Variants in TMEM50B observed in about 807,000 individuals in gnomAD.
TMEM50B encodes HCV p7-trans-regulated protein 3.
A neutral mutation model predicts 23.4 loss-of-function variants in TMEM50B; 14 were observed. The ratio of observed to expected loss-of-function variants is 0.60; its 90% CI spans 0.39 to 0.93. TMEM50B has a LOEUF of 0.93. TMEM50B is among the 40% of genes least tolerant of loss of function. The pLI, the probability that TMEM50B is intolerant of heterozygous loss-of-function variation, is 0.00. For missense variants in TMEM50B, 159 were observed against 193.0 expected (o/e 0.82, Z 1.04); for synonymous variants, 64 against 62.3 (o/e 1.03, Z -0.13).
chr21:33,436,084 G>A (rs528557890), intron 8 of TMEM50B, among the ~76,000 whole-genome samples: 56 of 151,764 alleles, frequency 3.7e-4, no homozygotes, highest in Non-Finnish European at 4.0e-4. Context: ...GTTGCCGGGT[G>A]CAGTGGCTCA....
chr21:33,478,792 A>G (rs2084398374), intron 1 of TMEM50B: 1 of 471,160 alleles, frequency 2.1e-6, no homozygotes, highest in Middle Eastern at 3.2e-4. Context: ...TTTGAAATGC[A>G]TGCAGGTTTA....
chr21:33,436,735 AT>A (rs2083956645), intron 8 of TMEM50B: 17 of 1,029,276 alleles, frequency 1.7e-5, no homozygotes, highest in African/African-American at 1.1e-4. Context: ...AAAAATAAAA[AT>A]AAAAATAAAA....
intron 4 of TMEM50B, among the ~76,000 whole-genome samples, chr21:33,462,596 C>T (rs2084226777): frequency 6.6e-6 from 1 of 151,780 alleles, no homozygotes; most frequent in African/African-American, 2.4e-5. Flanking sequence ...TGCTTGAGCC[C>T]AGGAGTTCAA....
chr21:33,476,538 G>A lies in TMEM50B; in HGVS notation c.-42+3300C>T, dbSNP rs928606630. Among the ~76,000 whole-genome samples the A allele has an allele frequency of 3.9e-5, 6 of 151,924 alleles. 1 individual carries two copies. The highest frequency in any genetic ancestry group is 1.5e-4 in the African/African-American group (6 of 41,350). On this transcript the variant is annotated intron_variant, in intron 1 of 6. Transcript: ENST00000542230. ...GCACTTTGGGAAGCCGAGGCCAGCG[G>A]ATCACGAGGTCAGGAGATTGAGACC...
intron 4 of TMEM50B, among the ~76,000 whole-genome samples, chr21:33,462,538 G>A (rs1217836245): frequency 1.3e-5 from 2 of 152,126 alleles, no homozygotes; most frequent in Non-Finnish European, 2.9e-5. Context: ...CAGGCACAGT[G>A]GCTTACACCG....
chr21:33,465,209 T>G, intron 4 of TMEM50B, 133 bp downstream of exon 4: 1 of 586,332 alleles, frequency 1.7e-6, no homozygotes, highest in South Asian at 3.1e-5. Flanking sequence ...CACTAAAACT[T>G]TGTTTTAAAG....
intron 4 of TMEM50B, 42 bp from the exon 5 acceptor site, chr21:33,460,547 G>T: frequency 1.6e-6 from 2 of 1,255,152 alleles, no homozygotes; most frequent in Non-Finnish European, 2.3e-6. Context: ...CATTTTTGCA[G>T]CTCTGTAACG....
At chr21:33,478,020 AACT>A (rs2084390274) in intron 1 of TMEM50B, among the ~76,000 whole-genome samples, 1 of 151,120 alleles carries the variant, frequency 6.6e-6, no homozygotes, top group Non-Finnish European at 1.5e-5. Flanking sequence ...CTGTAGTCCC[AACT>A]ACTAGGGAGG....
intron 7 of TMEM50B, among the ~76,000 whole-genome samples, chr21:33,441,324 C>T (rs2084007153): frequency 6.6e-6 from 1 of 152,052 alleles, no homozygotes; most frequent in Non-Finnish European, 1.5e-5. Context: ...CAGAGAGAGG[C>T]TCTCTGAAAG....
chr21:33,439,927 TC>T (rs2083993595), intron 7 of TMEM50B, among the ~76,000 whole-genome samples: 1 of 151,820 alleles, frequency 6.6e-6, no homozygotes, highest in Non-Finnish European at 1.5e-5. Context: ...ACACCTGTAA[TC>T]CCAGCTACTT....
At chr21:33,456,137 T>C (rs920814182) in intron 5 of TMEM50B, 1 of 507,292 alleles carries the variant, frequency 2.0e-6, no homozygotes, top group African/African-American at 1.9e-5. Flanking sequence ...AATAAATTCT[T>C]GACTTTTAAA....
chr21:33,444,451 G>A (rs2084034863), downstream of TMEM50B, among the ~76,000 whole-genome samples: 1 of 151,942 alleles, frequency 6.6e-6, no homozygotes, highest in African/African-American at 2.4e-5. Context: ...AGACTGAGGA[G>A]AGAGGATCTC....
chr21:33,433,317 T>G (rs192064613), intron 8 of TMEM50B, among the ~76,000 whole-genome samples: 2 of 152,326 alleles, frequency 1.3e-5, no homozygotes, highest in East Asian at 3.9e-4. Context: ...TACACCCATG[T>G]TCATGTTGAC....
chr21:33,437,571 T>C (rs2083969754), intron 8 of TMEM50B: 1 of 152,544 alleles, frequency 6.6e-6, no homozygotes, highest in African/African-American at 2.4e-5. Flanking sequence ...GTTTCAGCTT[T>C]CTAAAATTAC....
At chr21:33,456,427 TTC>T (rs766476045) in intron 5 of TMEM50B, among the ~76,000 whole-genome samples, 4 of 152,244 alleles carry the variant, frequency 2.6e-5, no homozygotes, top group Non-Finnish European at 5.9e-5. Context: ...GAATTTATCA[TTC>T]TCTTTCACTG....
At chr21:33,479,675 C>T (rs1046307061) in intron 1 of TMEM50B, among the ~76,000 whole-genome samples, 163 bp downstream of exon 1, 3 of 152,104 alleles carry the variant, frequency 2.0e-5, no homozygotes, top group African/African-American at 7.2e-5. Context: ...GGGCCCGAGT[C>T]TGCAGGCCGG....
intron 7 of TMEM50B, among the ~76,000 whole-genome samples, chr21:33,440,427 A>G (rs1400460325): frequency 6.6e-6 from 1 of 151,866 alleles, no homozygotes; most frequent in Non-Finnish European, 1.5e-5. Flanking sequence ...GTCTCTACTA[A>G]AAATACAAAA....
chr21:33,478,600 T>C (rs768463400), intron 1 of TMEM50B, among the ~76,000 whole-genome samples: 7 of 152,014 alleles, frequency 4.6e-5, no homozygotes, highest in Non-Finnish European at 7.4e-5. Flanking sequence ...AGAGGAGGGA[T>C]TGGGGTGGTG....
At chr21:33,469,994 G>C (rs954958511) in intron 1 of TMEM50B, among the ~76,000 whole-genome samples, 6 of 152,054 alleles carry the variant, frequency 3.9e-5, no homozygotes, top group African/African-American at 1.4e-4. Context: ...GGAAGAAGGA[G>C]AAAAATCATG....
Sources: allele counts gnomAD v4.1 joint callset (sites outside exome capture counted in the v4.1 genomes callset), GRCh38; gene constraint gnomAD v4.1.1; transcripts MANE v1.5; gene names NCBI Gene and HGNC (gene_info 2026-07-23, HGNC 2026-07-21).